Variants in FUT8 observed in about 807,000 individuals in gnomAD.
FUT8 encodes fucosyltransferase 8, also known as alpha-(1,6)-fucosyltransferase.
A neutral mutation model predicts 71.3 loss-of-function variants in FUT8; 29 were observed. That is an observed-to-expected ratio of 0.41 (90% confidence interval 0.30 to 0.55). FUT8 has a LOEUF of 0.55. Among genes scored for constraint, FUT8 ranks in the 20% least tolerant of loss-of-function variants. The probability of loss-of-function intolerance (pLI) is 0.34; values close to 1 mark genes in which losing one functional copy is unlikely to be tolerated. For missense variants in FUT8, 544 were observed against 702.1 expected (o/e 0.77, Z 2.55); for synonymous variants, 254 against 239.3 (o/e 1.06, Z -0.57).
At chr14:65,385,967 C>T in the FUT8 span, among the ~76,000 whole-genome samples, 4 of 152,160 alleles carry the variant, frequency 2.6e-5, no homozygotes, top group Admixed American at 6.5e-5. Context: ...GCCTGGCCAA[C>T]GTGGTGAAAC....
chr14:65,492,894 T>G (rs1337935170), intron 2 of FUT8, among the ~76,000 whole-genome samples: 1 of 152,052 alleles, frequency 6.6e-6, no homozygotes, highest in Non-Finnish European at 1.5e-5. Flanking sequence ...TTTTGACCAT[T>G]TCGTGTCTCT....
At chr14:65,710,746 G>A (rs542490299) in intron 7 of FUT8, among the ~76,000 whole-genome samples, 87 of 152,208 alleles carry the variant, frequency 5.7e-4, no homozygotes, top group Non-Finnish European at 1.0e-3. Flanking sequence ...GTTTTAGCTC[G>A]TTTTGCATTG....
rs1450224030 is a variant in FUT8 at position 65,629,520 on chromosome 14, A to G, written c.511A>G (p.Ser171Gly). 6 of 1,613,614 alleles carry G rather than the reference A, an allele frequency of 3.7e-6. No individual in the cohort carries two copies. The highest frequency in any genetic ancestry group is 5.1e-6 in the Non-Finnish European group (6 of 1,179,520). Residue 171 changes from serine (S) to glycine (G), a missense_variant, in exon 6 of 11, where the codon AGT becomes GGT. By Grantham distance (56) the Ser-to-Gly change is moderately conservative. Coordinates refer to ENST00000673929, the MANE Select transcript of FUT8 (RefSeq NM_001371533.1). ...RSIMTDLYYL[S>G]QTDGAGDWRE... ...TATAATGACGGATCTATACTACCTC[A>G]GTCAGACAGATGGAGCAGGTGATTG...
At chr14:65,701,045 C>G (rs977643736) in intron 7 of FUT8, among the ~76,000 whole-genome samples, 8 of 152,078 alleles carry the variant, frequency 5.3e-5, no homozygotes, top group Admixed American at 2.0e-4. Flanking sequence ...TCTTTTTAAT[C>G]TTTTATAAAT....
chr14:65,643,106 T>A lies in FUT8; in HGVS notation c.597+13500T>A, dbSNP rs913266603. ...CTAAAATCCTTACCAAAGTCCAAAT[T>A]TCAGCTTTTAGGTTTTCTTAGCAAG... On this transcript the variant is annotated intron_variant, in intron 6 of 10. Transcript: ENST00000673929. The surrounding 1 kb of genome is among the most constrained non-coding windows in gnomAD (Gnocchi z 4.5). Among the ~76,000 whole-genome samples the A allele has an allele frequency of 2.0e-5, 3 of 152,190 alleles. No individual in the cohort carries two copies. The highest frequency in any genetic ancestry group is 7.2e-5 in the African/African-American group (3 of 41,448).
chr14:65,415,764 C>T (rs1345895554), intron 1 of FUT8, among the ~76,000 whole-genome samples: 1 of 151,208 alleles, frequency 6.6e-6, no homozygotes, highest in Admixed American at 6.6e-5. Context: ...ATCCCCAGGT[C>T]ACTTAACCCT....
intron 7 of FUT8, among the ~76,000 whole-genome samples, chr14:65,700,708 A>C (rs1894249951): frequency 6.6e-6 from 1 of 152,060 alleles, no homozygotes. Context: ...CTCTTAAACT[A>C]CTTTCAATGA....
intron 1 of FUT8, among the ~76,000 whole-genome samples, chr14:65,439,306 T>A (rs548437616): frequency 6.2e-4 from 95 of 152,294 alleles, no homozygotes; most frequent in African/African-American, 2.1e-3. Context: ...GTGGACAAAC[T>A]GGTTTAGGAG....
chr14:65,656,295 G>A (rs1257575496), intron 6 of FUT8, among the ~76,000 whole-genome samples: 1 of 150,822 alleles, frequency 6.6e-6, no homozygotes, highest in Non-Finnish European at 1.5e-5. Context: ...TATCAGTATT[G>A]TTTCAAAGTC....
At chr14:65,412,267 C>A (rs969727650), upstream of FUT8, 3 of 455,970 alleles carry the variant, frequency 6.6e-6, no homozygotes, top group Non-Finnish European at 1.3e-5. Flanking sequence ...ATGCGGGCTG[C>A]AGGGGCTGAG....
At chr14:65,609,590 T>G (rs1473244802) in intron 3 of FUT8, among the ~76,000 whole-genome samples, 1 of 151,980 alleles carries the variant, frequency 6.6e-6, no homozygotes, top group African/African-American at 2.4e-5. Flanking sequence ...GACTCTTTTC[T>G]GTTTCATTAT....
intron 7 of FUT8, among the ~76,000 whole-genome samples, chr14:65,700,571 T>C (rs1280801102): frequency 6.6e-6 from 1 of 151,866 alleles, no homozygotes; most frequent in Non-Finnish European, 1.5e-5. Flanking sequence ...TTTGTATTTT[T>C]TTTGTTTTTA....
intron 1 of FUT8, among the ~76,000 whole-genome samples, chr14:65,437,291 T>C (rs2065576331): frequency 6.6e-6 from 1 of 152,192 alleles, no homozygotes; most frequent in Non-Finnish European, 1.5e-5. Flanking sequence ...TGAAAAACAA[T>C]TGAAAGCATT....
chr14:65,519,691 C>T (rs111982361), intron 2 of FUT8, among the ~76,000 whole-genome samples: 10 of 152,148 alleles, frequency 6.6e-5, no homozygotes, highest in African/African-American at 2.4e-4. Context: ...TTAAAGAATT[C>T]TGCATTTTCT....
chr14:65,424,897 C>G (rs1199995009), intron 1 of FUT8, among the ~76,000 whole-genome samples: 1 of 152,038 alleles, frequency 6.6e-6, no homozygotes, highest in African/African-American at 2.4e-5. Context: ...AACTCCAGTG[C>G]TCATGATCCT....
In FUT8 at chr14:65,725,944, T is replaced by A. The variant is rs372161411; in HGVS notation, c.1259+1621T>A. 1.9e-4 allele frequency among the ~76,000 whole-genome samples: 29 copies of A among 152,292 alleles called. No individual in the cohort carries two copies. In the East Asian group the frequency reaches 5.0e-3, roughly 26 times the overall value. On this transcript the variant is annotated intron_variant, in intron 9 of 10. Transcript: ENST00000673929. ...AGAATCCAAATGAACCTGAAGCAAA[T>A]TGCCTTTTTTATTCAAGGCTCCCTC...
At chr14:65,387,545 G>T in the FUT8 span, among the ~76,000 whole-genome samples, 1 of 152,162 alleles carries the variant, frequency 6.6e-6, no homozygotes, top group South Asian at 2.1e-4. Flanking sequence ...TCTACCCTAC[G>T]AATTCAAAAT....
intron 2 of FUT8, among the ~76,000 whole-genome samples, chr14:65,459,869 T>A (rs1665122538): frequency 1.3e-5 from 2 of 152,178 alleles, no homozygotes; most frequent in South Asian, 4.1e-4. Flanking sequence ...CATTTTATTT[T>A]AAAGTTAAAG....
At chr14:65,702,426 G>A (rs995475361) in intron 7 of FUT8, among the ~76,000 whole-genome samples, 2 of 151,838 alleles carry the variant, frequency 1.3e-5, no homozygotes, top group African/African-American at 4.8e-5. Flanking sequence ...GAAACATTTA[G>A]TATAGTACCG....
Sources: gnomAD v4.1 joint callset for allele counts (sites outside exome capture counted in the v4.1 genomes callset) on GRCh38, gnomAD v4.1.1 for gene constraint, Gnocchi (gnomAD v3.1) non-coding constraint, MANE v1.5 for transcripts, NCBI Gene and HGNC (gene_info 2026-07-23, HGNC 2026-07-21) for gene names.